The following CDYL variants were observed in gnomAD, a reference collection of about 807,000 sequenced individuals.
The protein encoded by CDYL is chromodomain Y like.
A neutral mutation model predicts 47.3 loss-of-function variants in CDYL; 8 were observed. The ratio of observed to expected loss-of-function variants is 0.17; its 90% CI spans 0.10 to 0.31. The LOEUF (loss-of-function observed/expected upper bound fraction) is 0.31, where lower values mean the gene tolerates loss of function less well. Ranked by LOEUF, CDYL falls within the 10% of genes least tolerant of loss-of-function variation. The probability of loss-of-function intolerance (pLI) is 1.00; values close to 1 mark genes in which losing one functional copy is unlikely to be tolerated. For missense variants in CDYL, 471 were observed against 701.4 expected (o/e 0.67, Z 3.71); for synonymous variants, 266 against 265.0 (o/e 1.00, Z -0.04).
intron 1 of CDYL, among the ~76,000 whole-genome samples, chr6:4,823,920 A>G (rs537842881): frequency 2.6e-5 from 4 of 152,242 alleles, no homozygotes; most frequent in African/African-American, 9.6e-5. Context: ...GGAAATCTCT[A>G]TTCTACTTTC....
chr6:4,919,166 A>G (rs1757639667), intron 2 of CDYL, among the ~76,000 whole-genome samples: 1 of 152,124 alleles, frequency 6.6e-6, no homozygotes, highest in Non-Finnish European at 1.5e-5. Context: ...CAGCAAAATG[A>G]GTGTCTTTAA....
intron 2 of CDYL, among the ~76,000 whole-genome samples, chr6:4,930,403 A>G (rs1757998644): frequency 6.6e-6 from 1 of 152,150 alleles, no homozygotes; most frequent in African/African-American, 2.4e-5. Flanking sequence ...CATCTGTTCT[A>G]AGACAGCATT....
chr6:4,717,564 G>T (rs1389516516), intron 2 of CDYL, among the ~76,000 whole-genome samples: 1 of 151,670 alleles, frequency 6.6e-6, no homozygotes, highest in Non-Finnish European at 1.5e-5. Flanking sequence ...TGGACACAGT[G>T]GCATGTGCCT....
intron 1 of CDYL, among the ~76,000 whole-genome samples, chr6:4,856,230 T>G (rs1474374364): frequency 6.6e-6 from 1 of 152,026 alleles, no homozygotes; most frequent in East Asian, 1.9e-4. Context: ...TGATAAATCA[T>G]AAGGAGAAAA....
intron 1 of CDYL, among the ~76,000 whole-genome samples, chr6:4,857,789 G>C (rs766617163): frequency 3.9e-5 from 6 of 152,168 alleles, no homozygotes; most frequent in Non-Finnish European, 8.8e-5. Context: ...ATGTGTCCCA[G>C]GTCTTCCATT....
At chr6:4,756,232 C>T (rs1285660531) in intron 3 of CDYL, among the ~76,000 whole-genome samples, 1 of 152,162 alleles carries the variant, frequency 6.6e-6, no homozygotes, top group African/African-American at 2.4e-5. Flanking sequence ...TCAGCTGATA[C>T]AATGTCTTAA....
At chr6:4,783,245 T>C (rs1055773246) in intron 1 of CDYL, among the ~76,000 whole-genome samples, 5 of 149,234 alleles carry the variant, frequency 3.4e-5, no homozygotes, top group Non-Finnish European at 7.5e-5. Context: ...TGGAAAAGTT[T>C]CTAGGTTTTT....
chr6:4,934,400 G>T (rs1758124854), intron 2 of CDYL, among the ~76,000 whole-genome samples: 1 of 152,072 alleles, frequency 6.6e-6, no homozygotes, highest in African/African-American at 2.4e-5. Context: ...AAGTCAGGTT[G>T]TTTTGCCAGG....
At position 4,813,781 on chromosome 6, in the gene CDYL, G is replaced by GT. The variant is rs906392649; in HGVS notation, c.24+36982dup. On this transcript the variant is annotated intron_variant, in intron 1 of 6. Coordinates refer to ENST00000397588, the MANE Select transcript of CDYL (RefSeq NM_004824.4). ...GTGCAATTTGTTTTTTCGTTTTTCT[G>GT]TTTTTTTTCAAGACAGGATCTTGCT... Among the ~76,000 whole-genome samples, 32 of 151,478 alleles carry GT rather than the reference G, an allele frequency of 2.1e-4. No individual in the cohort carries two copies. The East Asian group carries it at 3.3e-3, about 16-fold the overall frequency.
chr6:4,819,162 C>CTCTCTCTCTCTCTCTG (rs1016051589), intron 1 of CDYL, among the ~76,000 whole-genome samples: 17 of 111,926 alleles, frequency 1.5e-4, no homozygotes, highest in Non-Finnish European at 2.0e-4. Context: ...CTCTCTCTCT[C>CTCTCTCTCTCTCTCTG]TGTGTGTGTG....
intron 2 of CDYL, among the ~76,000 whole-genome samples, chr6:4,721,845 T>C (rs978979568): frequency 1.3e-5 from 2 of 151,972 alleles, no homozygotes; most frequent in African/African-American, 2.4e-5. Flanking sequence ...GACTTTATCA[T>C]AATTAAGAAT....
chr6:4,723,922 G>C (rs1440893286), intron 2 of CDYL, among the ~76,000 whole-genome samples: 5 of 152,230 alleles, frequency 3.3e-5, no homozygotes, highest in Admixed American at 2.0e-4. Context: ...TATGGCTCCT[G>C]ATCTGCTTTC....
At chr6:4,948,700 A>T (rs1187641417) in intron 5 of CDYL, among the ~76,000 whole-genome samples, 1 of 152,116 alleles carries the variant, frequency 6.6e-6, no homozygotes, top group Non-Finnish European at 1.5e-5. Context: ...CCCACACCAA[A>T]CAACAGTCCA....
chr6:4,724,391 T>G (rs1164284911), intron 2 of CDYL: 1 of 152,194 alleles, frequency 6.6e-6, no homozygotes, highest in South Asian at 2.1e-4. Flanking sequence ...GTGTCTTTCG[T>G]GTAACATGTC....
chr6:4,815,571 G>T (rs893388364), intron 1 of CDYL, among the ~76,000 whole-genome samples: 1 of 151,648 alleles, frequency 6.6e-6, no homozygotes, highest in Non-Finnish European at 1.5e-5. Flanking sequence ...TTGAGTGCCT[G>T]CCTTCCTGCA....
intron 1 of CDYL, among the ~76,000 whole-genome samples, chr6:4,865,955 TAAG>T (rs1206665243): frequency 6.6e-6 from 1 of 152,164 alleles, no homozygotes; most frequent in Non-Finnish European, 1.5e-5. Flanking sequence ...TTACCTTTAA[TAAG>T]GAGATAAATT....
At chr6:4,745,292 T>C (rs1757869177) in intron 3 of CDYL, among the ~76,000 whole-genome samples, 1 of 152,162 alleles carries the variant, frequency 6.6e-6, no homozygotes, top group Admixed American at 6.6e-5. Flanking sequence ...TTTGTATTAT[T>C]AAGCCACATG....
chr6:4,798,387 T>C lies in CDYL; in HGVS notation c.24+21580T>C, dbSNP rs551020184. 3.3e-5 allele frequency among the ~76,000 whole-genome samples: 5 copies of C among 152,276 alleles called. No homozygotes were observed. In the South Asian group the frequency reaches 1.0e-3, roughly 32 times the overall value. ...TAATGACATTTTAGCTGGAGATAAG[T>C]TTATTGGTTTACCGTTTTTATCAGT... On this transcript the variant is annotated intron_variant, in intron 1 of 6. Transcript: ENST00000397588.
intron 3 of CDYL, among the ~76,000 whole-genome samples, chr6:4,748,202 A>G (rs2127419095): frequency 6.6e-6 from 1 of 152,238 alleles, no homozygotes; most frequent in South Asian, 2.1e-4. Flanking sequence ...ATCTCTCTTC[A>G]TCCCTAATTA....
Sources: allele counts gnomAD v4.1 joint callset (sites outside exome capture counted in the v4.1 genomes callset), GRCh38; gene constraint gnomAD v4.1.1; transcripts MANE v1.5; gene names NCBI Gene and HGNC (gene_info 2026-07-23, HGNC 2026-07-21).